The following PTPRZ1 variants were observed in gnomAD, a reference collection of about 807,000 sequenced individuals.
PTPRZ1 encodes the protein receptor-type tyrosine-protein phosphatase zeta.
Under a neutral mutation model 214.1 loss-of-function variants are expected in PTPRZ1, and 82 were observed. The observed-to-expected ratio is 0.38, with a 90% CI of 0.32 to 0.46. PTPRZ1 has a LOEUF of 0.46. Among genes scored for constraint, PTPRZ1 ranks in the 20% least tolerant of loss-of-function variants. The probability of loss-of-function intolerance (pLI) is 1.00; values close to 1 mark genes in which losing one functional copy is unlikely to be tolerated. For missense variants in PTPRZ1, 2,603 were observed against 2,748.7 expected, an observed-to-expected ratio of 0.95 and a Z score of 1.19; for synonymous variants, 945 against 987.9, an observed-to-expected ratio of 0.96 and a Z score of 0.81.
At chr7:121,908,357 C>CGGTGGTCGCAGTAT in intron 1 of PTPRZ1, 4 of 237,214 alleles carry the variant, frequency 1.7e-5, no homozygotes, top group South Asian at 9.0e-5. Context: ...GTAGATCAAT[C>CGGTGGTCGCAGTAT]CCTTTGGAAA....
At position 121,951,957 on chromosome 7, in the gene PTPRZ1, TTA is replaced by T. The variant is rs1372788669; in HGVS notation, c.125-15992_125-15991del. On this transcript the variant is annotated intron_variant, in intron 2 of 29. Transcript: ENST00000393386. ...TTTAAATCCATGCGAGTGTATTTAT[TTA>T]TTTATTTTTTTTTTTTTGAGACGGA... 1.4e-3 allele frequency among the ~76,000 whole-genome samples: 87 copies of T among 62,622 alleles called. 1 individual carries two copies. Among genetic ancestry groups the T allele is most frequent in the African/African-American group, 3.4e-3 (78 of 23,140 alleles). The allele number at this position is 62,622 out of a possible 152,430, so 41.1% of individuals were successfully genotyped here.
Position 122,011,946 on chromosome 7 carries a change from G to C in PTPRZ1, c.2900G>C (p.Ser967Thr), listed in dbSNP as rs1200363238. 2 of 1,614,094 alleles carry C rather than the reference G, an allele frequency of 1.2e-6. No homozygotes were observed. The highest frequency in any genetic ancestry group is 1.7e-6 in the Non-Finnish European group (2 of 1,180,040). Reference sequence around the variant, plus strand: ...CAGGGTTCCTTATTTAGCGGCCCTAGCCATATACCAATACCTAAGTCTTCG... The same window carrying C: ...CAGGGTTCCTTATTTAGCGGCCCTACCCATATACCAATACCTAAGTCTTCG... ...TYQGSLFSGP[S>T]HIPIPKSSLI... The change falls in exon 12 of 30, where the codon AGC becomes ACC. Residue 967 changes from serine to threonine, a missense_variant. Transcript: ENST00000393386.
chr7:121,958,866 C>T (rs1452656352), intron 2 of PTPRZ1, among the ~76,000 whole-genome samples: 1 of 152,132 alleles, frequency 6.6e-6, no homozygotes, highest in African/African-American at 2.4e-5. Context: ...CTCTGTTGCC[C>T]AGGCTGGAGT....
intron 8 of PTPRZ1, among the ~76,000 whole-genome samples, chr7:121,991,269 T>G (rs1361291222): frequency 6.6e-6 from 1 of 152,188 alleles, no homozygotes; most frequent in African/African-American, 2.4e-5. Flanking sequence ...CATGTGTATA[T>G]ATGGACAGCC....
intron 8 of PTPRZ1, among the ~76,000 whole-genome samples, chr7:121,987,053 A>G (rs1286520379): frequency 2.0e-5 from 3 of 152,204 alleles, no homozygotes; most frequent in Admixed American, 6.5e-5. Context: ...ATCCGCTTAT[A>G]TTGTATATCC....
At chr7:121,918,941 C>T (rs1177921502) in intron 1 of PTPRZ1, among the ~76,000 whole-genome samples, 1 of 151,836 alleles carries the variant, frequency 6.6e-6, no homozygotes, top group African/African-American at 2.4e-5. Flanking sequence ...TAAACTTCCC[C>T]ACTTTTTGTA....
Position 122,010,857 on chromosome 7 carries a change from C to T in PTPRZ1, c.1811C>T (p.Ser604Phe), listed in dbSNP as rs1259413200. The T allele has an allele frequency of 2.5e-6, 4 of 1,614,086 alleles. No individual in the cohort carries two copies. Among genetic ancestry groups the T allele is most frequent in the Non-Finnish European group, 2.5e-6 (3 of 1,180,000 alleles). The change falls in exon 12 of 30, where the codon TCC (serine) becomes TTC (phenylalanine). Residue 604 changes from serine (S) to phenylalanine (F), a missense_variant. Ser to Phe is a radical substitution (Grantham distance 155). Around this residue, in one of 6 missense-constraint regions of PTPRZ1, gnomAD observed 1,913 missense variants for 1,914.3 expected, o/e 1.00. Transcript: ENST00000393386. Reference sequence around the variant, plus strand: ...ATCCCATTCATCTCTGAGAACATATCCCAAGGGTATATATTTTCCTCCGAA... The same window carrying T: ...ATCCCATTCATCTCTGAGAACATATTCCAAGGGTATATATTTTCCTCCGAA... ...SAIPFISENI[S>F]QGYIFSSENP...
At position 122,037,827 on chromosome 7, in the gene PTPRZ1, G is replaced by A. The variant is rs530539464; in HGVS notation, c.5368-928G>A. ...TTTAGGTTCCTCATCTCCACATCAG[G>A]GTTGATGCTTCCATTTTGCATAGAT... On this transcript the variant is annotated intron_variant, in intron 18 of 29. Coordinates refer to ENST00000393386, the MANE Select transcript of PTPRZ1 (RefSeq NM_002851.3). Among the ~76,000 whole-genome samples, 13 of 152,226 alleles carry A rather than the reference G, an allele frequency of 8.5e-5. No homozygotes were observed. The East Asian group carries it at 2.5e-3, about 29-fold the overall frequency.
chr7:121,924,879 C>T (rs1362306093), intron 1 of PTPRZ1, among the ~76,000 whole-genome samples: 7 of 152,274 alleles, frequency 4.6e-5, no homozygotes, highest in East Asian at 3.9e-4. Flanking sequence ...GGTTAAATCA[C>T]GTATATAGTC....
At chr7:121,949,415 G>A (rs750834575) in intron 2 of PTPRZ1, among the ~76,000 whole-genome samples, 54 of 152,030 alleles carry the variant, frequency 3.6e-4, no homozygotes, top group Middle Eastern at 3.2e-3. Context: ...ATGAATTACT[G>A]TTGTTATAAT....
intron 12 of PTPRZ1, among the ~76,000 whole-genome samples, chr7:122,016,794 C>T (rs935783959): frequency 2.0e-5 from 3 of 151,494 alleles, no homozygotes; most frequent in Non-Finnish European, 4.4e-5. Context: ...ATACATGTTG[C>T]TTTGAAAATT....
chr7:121,960,188 G>A (rs1397913104), intron 2 of PTPRZ1, among the ~76,000 whole-genome samples: 2 of 152,082 alleles, frequency 1.3e-5, no homozygotes, highest in Non-Finnish European at 2.9e-5. Context: ...ACGGGCGTGC[G>A]CCAACACGCC....
At chr7:121,951,958 TATTTA>T (rs1796554031) in intron 2 of PTPRZ1, among the ~76,000 whole-genome samples, 2 of 62,820 alleles carry the variant, frequency 3.2e-5, no homozygotes, top group African/African-American at 4.3e-5. Flanking sequence ...TGTATTTATT[TATTTA>T]TTTTTTTTTT....
chr7:121,909,330 A>G (rs1333021167), intron 1 of PTPRZ1, among the ~76,000 whole-genome samples: 1 of 152,186 alleles, frequency 6.6e-6, no homozygotes. Context: ...AAATGACCTG[A>G]GCACACAAGC....
At chr7:121,928,792 T>C (rs899932801) in intron 2 of PTPRZ1, among the ~76,000 whole-genome samples, 8 of 152,204 alleles carry the variant, frequency 5.3e-5, no homozygotes, top group African/African-American at 1.9e-4. Flanking sequence ...ATTATGAACA[T>C]CTGAAGTTGG....
At chr7:121,951,793 A>G (rs1336238164) in intron 2 of PTPRZ1, among the ~76,000 whole-genome samples, 1 of 152,154 alleles carries the variant, frequency 6.6e-6, no homozygotes, top group African/African-American at 2.4e-5. Flanking sequence ...CAGCTTCCTG[A>G]TAAACCTTCT....
rs1483321204 is a variant in PTPRZ1 at position 122,010,518 on chromosome 7, G to A, written c.1472G>A (p.Gly491Glu). The change falls in exon 12 of 30, where the codon GGA (glycine) becomes GAA (glutamate). Residue 491 changes from glycine to glutamate, a missense_variant. Coordinates refer to ENST00000393386, the MANE Select transcript of PTPRZ1 (RefSeq NM_002851.3). ...RSPTRGSEFS[G>E]KGDVPNTSLN... ...CCAACAAGAGGAAGTGAATTCTCTG[G>A]AAAGGGTGATGTTCCCAATACATCT... 1.2e-5 allele frequency: 19 copies of A among 1,613,870 alleles called. No homozygotes were observed. Among genetic ancestry groups the A allele is most frequent in the Non-Finnish European group, 1.5e-5 (18 of 1,179,896 alleles).
In PTPRZ1 at chr7:122,021,481, C is replaced by A. The variant is rs551854519; in HGVS notation, c.4988+2213C>A. ...GGCACAGTGGCTCACACCTGTAATC[C>A]CAGCAATTTGCAAAGGTGAAGTAAG... On this transcript the variant is annotated intron_variant, in intron 13 of 29. Coordinates refer to ENST00000393386, the MANE Select transcript of PTPRZ1 (RefSeq NM_002851.3). Among the ~76,000 whole-genome samples the A allele has an allele frequency of 3.9e-5, 6 of 152,008 alleles. No individual in the cohort carries two copies. The South Asian group carries it at 1.2e-3, about 32-fold the overall frequency.
intron 3 of PTPRZ1, among the ~76,000 whole-genome samples, chr7:121,971,490 A>C (rs559206896): frequency 5.3e-5 from 8 of 152,146 alleles, no homozygotes; most frequent in East Asian, 1.9e-4. Context: ...TAGATTATTG[A>C]GCTAATAGAG....
Sources: allele counts gnomAD v4.1 joint callset (sites outside exome capture counted in the v4.1 genomes callset), GRCh38; gene constraint gnomAD v4.1.1; regional missense constraint gnomAD v4.1.1; transcripts MANE v1.5; gene names NCBI Gene and HGNC (gene_info 2026-07-23, HGNC 2026-07-21).